The following CSMD2 variants were observed in gnomAD, a reference collection of about 807,000 sequenced individuals.
CSMD2 encodes the protein CUB and Sushi multiple domains 2.
In CSMD2, 130 loss-of-function variants were observed where a neutral mutation model predicts 398.5. That is an observed-to-expected ratio of 0.33 (90% CI 0.28 to 0.38). CSMD2 has a LOEUF of 0.38. Ranked by LOEUF, CSMD2 falls within the 10% of genes least tolerant of loss-of-function variation. The pLI is 1.00. For missense variants in CSMD2, 3,829 were observed against 4,764.9 expected, an observed-to-expected ratio of 0.80 and a Z score of 5.78; for synonymous variants, 1,828 against 1,908.5, an observed-to-expected ratio of 0.96 and a Z score of 1.10.
intron 15 of CSMD2, among the ~76,000 whole-genome samples, chr1:33,735,546 C>T (rs952878211): frequency 3.3e-5 from 5 of 152,118 alleles, no homozygotes; most frequent in Admixed American, 1.3e-4. Context: ...CATTCACTTC[C>T]GTATTGTCTA....
chr1:33,603,883 G>T (rs548251337), intron 42 of CSMD2, among the ~76,000 whole-genome samples: 5 of 152,342 alleles, frequency 3.3e-5, no homozygotes, highest in Admixed American at 3.3e-4. Flanking sequence ...CATATGCTAA[G>T]ACCCAGAGGC....
At chr1:34,070,222 C>T (rs970436556) in intron 2 of CSMD2, among the ~76,000 whole-genome samples, 8 of 152,184 alleles carry the variant, frequency 5.3e-5, no homozygotes, top group Non-Finnish European at 1.2e-4. Context: ...ACAGCCATTC[C>T]CTCTTCCTTT....
intron 5 of CSMD2, among the ~76,000 whole-genome samples, chr1:33,917,169 C>A (rs1055528875): frequency 6.6e-6 from 1 of 152,186 alleles, no homozygotes; most frequent in Non-Finnish European, 1.5e-5. Flanking sequence ...ACTGCGGCAC[C>A]CCCTGGTAGC....
rs547017241 is a variant in CSMD2, at chr1:34,092,724, G to A, written c.188-3531C>T. On this transcript the variant is annotated intron_variant, in intron 1 of 70. Transcript: ENST00000373381. ...ACGGGCTTAAAAAACGGCGCACCAC[G>A]AGATTATATCCCGCACCTGGCTCGG... 2.8e-4 allele frequency among the ~76,000 whole-genome samples: 42 copies of A among 152,340 alleles called. No homozygotes were observed. The East Asian group carries it at 6.8e-3, about 25-fold the overall frequency.
chr1:33,823,079 G>A (rs1276023850), intron 7 of CSMD2, among the ~76,000 whole-genome samples: 1 of 152,154 alleles, frequency 6.6e-6, no homozygotes, highest in Non-Finnish European at 1.5e-5. Context: ...GCCCCATCAG[G>A]ACGGGGCTGG....
rs76392580 is a variant in CSMD2 at position 33,661,491 on chromosome 1, C to T, written c.4255+1399G>A. On this transcript the variant is annotated intron_variant, in intron 26 of 70. Transcript: ENST00000373381. ...AATTTAAGGGCATTAGCATAGCAAA[C>T]GTTCTCAGAGGCCCCATATTGCAGA... is the stretch of plus-strand genomic sequence containing the variant. Among the ~76,000 whole-genome samples the T allele has an allele frequency of 9.6e-4, 146 of 152,290 alleles. 3 individuals are homozygous for T. In the East Asian group the frequency reaches 0.023, roughly 24 times the overall value.
intron 12 of CSMD2, among the ~76,000 whole-genome samples, chr1:33,778,325 T>G (rs887757347): frequency 2.0e-5 from 3 of 152,148 alleles, no homozygotes; most frequent in Admixed American, 6.5e-5. Context: ...CACCACATTC[T>G]TTCCCTTTAT....
chr1:33,861,837 T>A (rs986458128), intron 5 of CSMD2, among the ~76,000 whole-genome samples: 34 of 152,288 alleles, frequency 2.2e-4, no homozygotes, highest in African/African-American at 7.2e-4. Context: ...GGACACCTTA[T>A]GAGGACCAGT....
chr1:33,656,775 A>C (rs990921357), intron 27 of CSMD2, among the ~76,000 whole-genome samples: 2 of 152,180 alleles, frequency 1.3e-5, no homozygotes, highest in Non-Finnish European at 2.9e-5. Context: ...AATTTGTCTA[A>C]GTTTCAGTTT....
At chr1:33,998,075 C>T (rs971356756) in intron 3 of CSMD2, among the ~76,000 whole-genome samples, 4 of 152,140 alleles carry the variant, frequency 2.6e-5, no homozygotes, top group African/African-American at 9.7e-5. Flanking sequence ...GCGATTAGGT[C>T]ATGAGGCTCT....
intron 5 of CSMD2, among the ~76,000 whole-genome samples, chr1:33,873,105 A>G (rs888855052): frequency 6.6e-6 from 1 of 152,216 alleles, no homozygotes; most frequent in Non-Finnish European, 1.5e-5. Flanking sequence ...CTGTAGTAAC[A>G]GTATTCTAGA....
intron 55 of CSMD2, among the ~76,000 whole-genome samples, chr1:33,554,937 CA>C (rs1484108262): frequency 6.6e-6 from 1 of 152,150 alleles, no homozygotes; most frequent in African/African-American, 2.4e-5. Context: ...ATCCATTCTG[CA>C]GCCCATGGAT....
chr1:33,689,049 A>G (rs1557733903), intron 25 of CSMD2, among the ~76,000 whole-genome samples: 1 of 146,386 alleles, frequency 6.8e-6, no homozygotes, highest in Non-Finnish European at 1.5e-5. Context: ...GGAGGGAAGG[A>G]GAGGAAGAGA....
At position 33,796,132 on chromosome 1, in the gene CSMD2, G is replaced by C. The variant is rs12076978; in HGVS notation, c.1447-3606C>G. On this transcript the variant is annotated intron_variant, in intron 10 of 70. Coordinates refer to ENST00000373381, the MANE Select transcript of CSMD2 (RefSeq NM_001281956.2). ...AGCAAAGAGCTGTATTTGGCCTGTA[G>C]GCTATAGTTTGCTGATCCCTGGTCT... Among the ~76,000 whole-genome samples, 980 of 152,340 alleles carry C rather than the reference G, an allele frequency of 6.4e-3. 8 individuals carry two copies. Among genetic ancestry groups the C allele is most frequent in the African/African-American group, 0.022 (927 of 41,572 alleles).
intron 1 of CSMD2, among the ~76,000 whole-genome samples, chr1:34,096,620 GACAA>G (rs1255045088): frequency 1.6e-5 from 2 of 124,340 alleles, no homozygotes; most frequent in African/African-American, 6.4e-5. Context: ...ACCAACAACA[GACAA>G]ACAGAGAGCC....
At chr1:33,810,609 T>TAAA (rs11418676) in intron 10 of CSMD2, 134 bp downstream of exon 10, 94 of 730,682 alleles carry the variant, frequency 1.3e-4, no homozygotes, top group African/African-American at 2.9e-4. Context: ...TCGATATTAA[T>TAAA]AAAAAAAAAA....
rs549946065 is a variant in CSMD2, at chr1:33,637,998, G to A, written c.4775-1444C>T. ...CTGCCAATCATCTGGTTGACTGATG[G>A]GATGGAACTCTGAGAGTCTCACTAT... is the stretch of plus-strand genomic sequence containing the variant. On this transcript the variant is annotated intron_variant, in intron 29 of 70. Coordinates refer to ENST00000373381, the MANE Select transcript of CSMD2 (RefSeq NM_001281956.2). 3.3e-5 allele frequency among the ~76,000 whole-genome samples: 5 copies of A among 152,250 alleles called. No individual in the cohort carries two copies. The East Asian group carries it at 9.7e-4, about 29-fold the overall frequency.
chr1:34,101,988 G>C (rs186249227), intron 1 of CSMD2, among the ~76,000 whole-genome samples: 1 of 151,568 alleles, frequency 6.6e-6, no homozygotes, highest in Admixed American at 6.6e-5. Context: ...CTACCTGGTT[G>C]TGTGCTTTTT....
intron 4 of CSMD2, among the ~76,000 whole-genome samples, chr1:33,926,560 G>A (rs923975081): frequency 6.6e-6 from 1 of 152,188 alleles, no homozygotes; most frequent in Non-Finnish European, 1.5e-5. Flanking sequence ...TTTGATTGAA[G>A]ATCCTGCAAA....
Sources: gnomAD v4.1 joint callset for allele counts (sites outside exome capture counted in the v4.1 genomes callset) on GRCh38, gnomAD v4.1.1 for gene constraint, MANE v1.5 for transcripts, NCBI Gene and HGNC (gene_info 2026-07-23, HGNC 2026-07-21) for gene names.